The following NRG3 variants were observed in gnomAD, a reference collection of about 807,000 sequenced individuals.
NRG3 encodes neuregulin 3.
NRG3 carries 31 observed loss-of-function variants against 66.9 expected under a neutral mutation model. The observed-to-expected ratio is 0.46, with a 90% CI of 0.35 to 0.63. The LOEUF (loss-of-function observed/expected upper bound fraction) is 0.63, where lower values mean the gene tolerates loss of function less well. Among genes scored for constraint, NRG3 ranks in the 20% least tolerant of loss-of-function variants. NRG3 has a pLI of 0.00. For missense variants in NRG3, 910 were observed against 878.9 expected (o/e 1.04, Z -0.45); for synonymous variants, 393 against 359.4 (o/e 1.09, Z -1.06).
intron 4 of NRG3, among the ~76,000 whole-genome samples, chr10:82,940,555 G>A (rs1342671717): frequency 2.0e-5 from 3 of 152,172 alleles, no homozygotes; most frequent in Non-Finnish European, 4.4e-5. Flanking sequence ...CCCTTTCTTA[G>A]TCCATCTGGG....
At chr10:82,155,714 A>G (rs2071137042) in intron 1 of NRG3, among the ~76,000 whole-genome samples, 1 of 151,810 alleles carries the variant, frequency 6.6e-6, no homozygotes. Flanking sequence ...GAGATTATCC[A>G]GCCATTTATT....
intron 2 of NRG3, among the ~76,000 whole-genome samples, chr10:82,573,344 T>C (rs772400125): frequency 6.6e-6 from 1 of 151,902 alleles, no homozygotes; most frequent in African/African-American, 2.4e-5. Flanking sequence ...CAAAGTTTAC[T>C]TCAGATAAGT....
chr10:82,044,944 A>G (rs1589888923), intron 1 of NRG3, among the ~76,000 whole-genome samples: 1 of 151,646 alleles, frequency 6.6e-6, no homozygotes. Flanking sequence ...CATGTGCCAC[A>G]TTTTCTTAAT....
intron 3 of NRG3, among the ~76,000 whole-genome samples, chr10:82,832,312 C>A (rs539773970): frequency 3.9e-5 from 6 of 152,128 alleles, no homozygotes; most frequent in Admixed American, 6.6e-5. Context: ...AACTTGGGCC[C>A]AGTTCTCAAA....
chr10:81,903,566 A>G (rs935049897), intron 1 of NRG3, among the ~76,000 whole-genome samples: 4 of 152,192 alleles, frequency 2.6e-5, no homozygotes, highest in African/African-American at 9.6e-5. Context: ...ATAGTGCTTA[A>G]TATTGGTTGA....
At chr10:82,691,145 G>T (rs915638827) in intron 2 of NRG3, among the ~76,000 whole-genome samples, 2 of 152,010 alleles carry the variant, frequency 1.3e-5, no homozygotes, top group South Asian at 2.1e-4. Flanking sequence ...AAAACAGCTG[G>T]ATTCTAGAAA....
At chr10:82,735,644 A>G (rs1445380911) in intron 2 of NRG3, among the ~76,000 whole-genome samples, 1 of 152,144 alleles carries the variant, frequency 6.6e-6, no homozygotes, top group Non-Finnish European at 1.5e-5. Flanking sequence ...ATTCTCAGTA[A>G]GCTATCACAG....
At chr10:82,853,945 G>A (rs1315489595) in intron 3 of NRG3, among the ~76,000 whole-genome samples, 1 of 152,086 alleles carries the variant, frequency 6.6e-6, no homozygotes, top group African/African-American at 2.4e-5. Context: ...TGCCATAGAT[G>A]GCTTTTATGA....
intron 2 of NRG3, among the ~76,000 whole-genome samples, chr10:82,514,232 T>C (rs1845452582): frequency 6.6e-6 from 1 of 152,338 alleles, no homozygotes; most frequent in Non-Finnish European, 1.5e-5. Context: ...TTGCAATTGC[T>C]TTTGACATTT....
chr10:81,982,252 C>T (rs189205477), intron 1 of NRG3, among the ~76,000 whole-genome samples: 81 of 152,290 alleles, frequency 5.3e-4, no homozygotes, highest in Non-Finnish European at 9.6e-4. Flanking sequence ...AATCTCTCTG[C>T]CATTTTATGG....
At chr10:82,286,803 G>A (rs1235057238) in intron 1 of NRG3, among the ~76,000 whole-genome samples, 3 of 152,116 alleles carry the variant, frequency 2.0e-5, no homozygotes, top group South Asian at 4.1e-4. Context: ...GGCCAGGCTG[G>A]TTTCGAACTC....
chr10:82,473,283 G>T lies in NRG3; in HGVS notation c.953+114415G>T, dbSNP rs192541628. Reference sequence around the variant, plus strand: ...GAAAGGAACTGCTCTTTGCCCTTTAGAAATTTAGAGGGTGACTAGAGTTAT... The same window carrying T: ...GAAAGGAACTGCTCTTTGCCCTTTATAAATTTAGAGGGTGACTAGAGTTAT... On this transcript the variant is annotated intron_variant, in intron 2 of 8. Transcript: ENST00000372141. 1.8e-3 allele frequency among the ~76,000 whole-genome samples: 271 copies of T among 152,282 alleles called. 1 individual carries two copies. Among genetic ancestry groups the T allele is most frequent in the Middle Eastern group, 0.01 (3 of 292 alleles).
At chr10:82,207,017 C>A (rs1343203481) in intron 1 of NRG3, among the ~76,000 whole-genome samples, 1 of 152,112 alleles carries the variant, frequency 6.6e-6, no homozygotes, top group South Asian at 2.1e-4. Context: ...GCTGCTGAGT[C>A]CCTTGCTCCA....
At chr10:82,416,772 A>G (rs1315872897) in intron 2 of NRG3, among the ~76,000 whole-genome samples, 1 of 152,152 alleles carries the variant, frequency 6.6e-6, no homozygotes, top group African/African-American at 2.4e-5. Flanking sequence ...CGTAGAGGAT[A>G]CCTGCTGTGC....
At chr10:82,044,043 G>C (rs894473897) in intron 1 of NRG3, among the ~76,000 whole-genome samples, 1 of 151,898 alleles carries the variant, frequency 6.6e-6, no homozygotes, top group Non-Finnish European at 1.5e-5. Flanking sequence ...GTTTGTATTG[G>C]TGGTGAGTTT....
chr10:82,931,933 C>G (rs7893729), intron 4 of NRG3, among the ~76,000 whole-genome samples: 57,589 of 152,034 alleles, frequency 0.38, 11,364 homozygotes, highest in East Asian at 0.63. Context: ...CCTCTTTGAG[C>G]TTTTGTTTCT....
chr10:82,474,614 G>A (rs112640560), intron 2 of NRG3, among the ~76,000 whole-genome samples: 219 of 152,180 alleles, frequency 1.4e-3, no homozygotes, highest in African/African-American at 5.1e-3. Context: ...GGAGCCTCAG[G>A]GATGTGTGGG....
chr10:82,672,177 C>T (rs1219678633), intron 2 of NRG3, among the ~76,000 whole-genome samples: 1 of 152,078 alleles, frequency 6.6e-6, no homozygotes, highest in Admixed American at 6.6e-5. Flanking sequence ...AAGCAGGCCT[C>T]AAGCAGGCGA....
chr10:82,561,704 C>T (rs1050874282), intron 2 of NRG3, among the ~76,000 whole-genome samples: 1 of 152,146 alleles, frequency 6.6e-6, no homozygotes, highest in Non-Finnish European at 1.5e-5. Context: ...TATGCTAGAT[C>T]CCAATCACAT....
Sources: gnomAD v4.1 joint callset for allele counts (sites outside exome capture counted in the v4.1 genomes callset) on GRCh38, gnomAD v4.1.1 for gene constraint, MANE v1.5 for transcripts, NCBI Gene and HGNC (gene_info 2026-07-23, HGNC 2026-07-21) for gene names.